Variants in SEC31A observed in about 807,000 individuals in gnomAD.
The protein encoded by SEC31A is protein transport protein Sec31A.
SEC31A carries 70 observed loss-of-function variants against 151.0 expected under a neutral mutation model. The ratio of observed to expected loss-of-function variants is 0.46; its 90% confidence interval spans 0.38 to 0.57. The LOEUF is 0.57. Among genes scored for constraint, SEC31A ranks in the 20% least tolerant of loss-of-function variants. The probability of loss-of-function intolerance (pLI) is 0.00; values close to 1 mark genes in which losing one functional copy is unlikely to be tolerated. For missense variants in SEC31A, 1,330 were observed against 1,471.2 expected, an observed-to-expected ratio of 0.90 and a Z score of 1.57; for synonymous variants, 475 against 505.9, an observed-to-expected ratio of 0.94 and a Z score of 0.82.
At chr4:82,839,468 G>T (rs1283450785) in intron 22 of SEC31A, among the ~76,000 whole-genome samples, 2 of 151,922 alleles carry the variant, frequency 1.3e-5, no homozygotes, top group Non-Finnish European at 1.5e-5. Context: ...TGTATTTTTA[G>T]TAGAGACAGG....
chr4:82,860,797 A>G (rs1005491216), intron 14 of SEC31A, among the ~76,000 whole-genome samples: 1 of 152,148 alleles, frequency 6.6e-6, no homozygotes, highest in Non-Finnish European at 1.5e-5. Context: ...GTTTTAGTAA[A>G]GATTTTATCC....
intron 6 of SEC31A, 105 bp from the exon 7 acceptor site, chr4:82,872,191 G>T: frequency 1.2e-6 from 1 of 808,272 alleles, no homozygotes; most frequent in Non-Finnish European, 1.9e-6. Context: ...AAAAACATCA[G>T]CTGTGGCTTA....
At chr4:82,896,206 A>G (rs1427720981), upstream of SEC31A, among the ~76,000 whole-genome samples, 1 of 152,170 alleles carries the variant, frequency 6.6e-6, no homozygotes, top group Non-Finnish European at 1.5e-5. Flanking sequence ...AGAAATAAAT[A>G]TTGTTTAACA....
intron 1 of SEC31A, among the ~76,000 whole-genome samples, chr4:82,886,372 T>A (rs1560672962): frequency 6.6e-6 from 1 of 152,188 alleles, no homozygotes; most frequent in Non-Finnish European, 1.5e-5. Flanking sequence ...AGTTTCTACA[T>A]TCGTAAAATA....
At chr4:82,874,942 AC>A (rs1737575612) in intron 5 of SEC31A, among the ~76,000 whole-genome samples, 191 bp from the exon 6 acceptor site, 1 of 152,264 alleles carries the variant, frequency 6.6e-6, no homozygotes. Flanking sequence ...AAATGCAGGT[AC>A]ATACCACTTC....
intron 1 of SEC31A, 26 bp from the exon 2 acceptor site, chr4:82,881,966 C>CA: frequency 1.9e-6 from 3 of 1,573,760 alleles, no homozygotes; most frequent in Non-Finnish European, 2.6e-6. Context: ...TATACAGAAA[C>CA]AGCCTTGAAT....
At chr4:82,848,151 T>C (rs1197195142) in intron 20 of SEC31A, among the ~76,000 whole-genome samples, 1 of 147,936 alleles carries the variant, frequency 6.8e-6, no homozygotes, top group Admixed American at 6.7e-5. Context: ...TCTGGAAATA[T>C]GGAAGTTTCC....
At chr4:82,854,073 T>G (rs1160184045) in intron 17 of SEC31A, among the ~76,000 whole-genome samples, 1 of 152,152 alleles carries the variant, frequency 6.6e-6, no homozygotes, top group African/African-American at 2.4e-5. Context: ...CTTATAAAAA[T>G]GCAGTTATGG....
At position 82,854,802 on chromosome 4, in the gene SEC31A, T is replaced by C. The variant is rs542002629; in HGVS notation, c.2008+101A>G. 6 of 1,226,476 alleles carry C rather than the reference T, an allele frequency of 4.9e-6. No homozygotes were observed. The East Asian group carries it at 1.4e-4, about 29-fold the overall frequency. The allele number at this position is 1,226,476 out of a possible 1,614,324, so 76.0% of individuals were successfully genotyped here. On this transcript the variant is annotated intron_variant, in intron 17 of 26. Coordinates refer to ENST00000395310, the MANE Select transcript of SEC31A (RefSeq NM_001077207.4). ...GAGAATTTTTCTTTTTTGTGATTTG[T>C]AGATTTTAAAAAGTTTCTAATAAAA...
chr4:82,873,423 C>T (rs1336062709), intron 6 of SEC31A, among the ~76,000 whole-genome samples: 1 of 151,520 alleles, frequency 6.6e-6, no homozygotes, highest in African/African-American at 2.4e-5. Flanking sequence ...TACTTTTCCT[C>T]TATTTTATCA....
chr4:82,819,336 A>T, intron 26 of SEC31A, 83 bp from the exon 27 acceptor site: 1 of 997,554 alleles, frequency 1.0e-6, no homozygotes, highest in Non-Finnish European at 1.4e-6. Context: ...AAACCCAGAT[A>T]TTTAAGTGGA....
rs557996839 is a variant in SEC31A, at chr4:82,867,876, G to A, written c.883-560C>T. 1.1e-3 allele frequency among the ~76,000 whole-genome samples: 165 copies of A among 152,240 alleles called. 4 individuals carry two copies. The South Asian group carries it at 0.028, about 26-fold the overall frequency. ...TTGAACTGCTGACCTCAAGTGATCC[G>A]CCCGCCTTGGCCTCCCAAAGTGCTG... is the stretch of plus-strand genomic sequence containing the variant. On this transcript the variant is annotated intron_variant, in intron 8 of 26. Transcript: ENST00000395310.
At chr4:82,868,375 C>T (rs1215387792) in intron 8 of SEC31A, among the ~76,000 whole-genome samples, 2 of 152,008 alleles carry the variant, frequency 1.3e-5, no homozygotes, top group East Asian at 3.9e-4. Flanking sequence ...GTGCTGCACG[C>T]CTGTAGTCCC....
chr4:82,891,747 T>C (rs569340263), upstream of SEC31A, among the ~76,000 whole-genome samples: 4 of 152,242 alleles, frequency 2.6e-5, no homozygotes, highest in African/African-American at 9.6e-5. Context: ...ATTAGTACCG[T>C]TTCATACTTG....
At chr4:82,864,252 G>A (rs1310405526) in intron 11 of SEC31A, 110 bp downstream of exon 11, 2 of 786,666 alleles carry the variant, frequency 2.5e-6, no homozygotes, top group Admixed American at 5.2e-5. Flanking sequence ...ATGAATTGCT[G>A]AAATCACACT....
At chr4:82,897,323 T>C (rs1219286999) in intron 3 of SEC31A, among the ~76,000 whole-genome samples, 2 of 152,128 alleles carry the variant, frequency 1.3e-5, no homozygotes, top group Non-Finnish European at 2.9e-5. Flanking sequence ...CAAATAATGA[T>C]ATAACAATAA....
intron 8 of SEC31A, among the ~76,000 whole-genome samples, chr4:82,869,061 G>A (rs1253055088): frequency 2.6e-5 from 4 of 152,076 alleles, no homozygotes; most frequent in Non-Finnish European, 5.9e-5. Context: ...TGTGTGGTTT[G>A]ATAAAACTTA....
chr4:82,845,308 G>GA (rs914996213), intron 20 of SEC31A: 116 of 1,346,332 alleles, frequency 8.6e-5, no homozygotes, highest in Middle Eastern at 1.8e-4. Flanking sequence ...ATTGAACAAA[G>GA]AAATACCAAT....
intron 22 of SEC31A, among the ~76,000 whole-genome samples, chr4:82,830,572 T>C (rs1330627363): frequency 6.6e-6 from 1 of 152,236 alleles, no homozygotes; most frequent in Non-Finnish European, 1.5e-5. Flanking sequence ...AACCACAAAA[T>C]ATTAACTCAT....
Sources: allele counts gnomAD v4.1 joint callset (sites outside exome capture counted in the v4.1 genomes callset), GRCh38; gene constraint gnomAD v4.1.1; transcripts MANE v1.5; gene names NCBI Gene and HGNC (gene_info 2026-07-23, HGNC 2026-07-21).